KLF15: variants seen among roughly 807,000 people sequenced by gnomAD.
KLF15 encodes Krueppel-like factor 15.
A neutral mutation model predicts 24.6 loss-of-function variants in KLF15; 4 were observed. The ratio of observed to expected loss-of-function variants is 0.16; its 90% CI spans 0.08 to 0.37. KLF15 has a LOEUF of 0.37. Ranked by LOEUF, KLF15 falls within the 10% of genes least tolerant of loss-of-function variation. The pLI is 1.00. For synonymous variants in KLF15, 246 were observed against 236.3 expected (o/e 1.04, Z -0.37); for missense variants, 496 against 560.6 (o/e 0.88, Z 1.16).
the KLF15 span, among the ~76,000 whole-genome samples, chr3:126,312,409 A>C: frequency 1.3e-5 from 2 of 152,126 alleles, no homozygotes; most frequent in Admixed American, 1.3e-4. Context: ...TCCTGGACTC[A>C]AGTGATCCTC....
At position 126,356,798 on chromosome 3, in the gene KLF15, C is replaced by T. The variant is rs546489542; in HGVS notation, c.-26+439G>A. Reference sequence around the variant, plus strand: ...CTGGGCACCATGCCCTCGTCCCACGCCCCCCCCTTGCCCCCGACACTGCTG... The same window carrying T: ...CTGGGCACCATGCCCTCGTCCCACGTCCCCCCCTTGCCCCCGACACTGCTG... On this transcript the variant is annotated intron_variant, in intron 1 of 2. Coordinates refer to ENST00000296233, the MANE Select transcript of KLF15 (RefSeq NM_014079.4). This position sits in a 1 kb window ranked among gnomAD's most constrained non-coding sequence, Gnocchi z 4.4. Among the ~76,000 whole-genome samples the T allele has an allele frequency of 3.6e-3, 543 of 150,634 alleles. 2 individuals carry two copies. The highest frequency in any genetic ancestry group is 0.018 in the Middle Eastern group (5 of 284).
the KLF15 span, among the ~76,000 whole-genome samples, chr3:126,321,876 G>A: frequency 6.6e-6 from 1 of 152,206 alleles, no homozygotes; most frequent in Admixed American, 6.5e-5. Flanking sequence ...CACCCAGGCA[G>A]GTTTTAACAT....
downstream of KLF15, among the ~76,000 whole-genome samples, chr3:126,342,379 A>C (rs765683180): frequency 6.6e-5 from 10 of 152,304 alleles, no homozygotes; most frequent in African/African-American, 9.6e-5. Flanking sequence ...GTGCTGTCGG[A>C]ATGTGGGCTG....
the KLF15 span, among the ~76,000 whole-genome samples, chr3:126,304,227 C>T: frequency 3.9e-5 from 6 of 152,246 alleles, 1 homozygote; most frequent in Middle Eastern, 6.8e-3. Context: ...TATTGGGAAG[C>T]AGTTTGATCA....
chr3:126,323,435 A>ATGTT, the KLF15 span, among the ~76,000 whole-genome samples: 8 of 54,846 alleles, frequency 1.5e-4, no homozygotes, highest in African/African-American at 5.7e-4. Flanking sequence ...ATATATATAT[A>ATGTT]ACATATATAT....
At chr3:126,340,523 A>C (rs1053133232), downstream of KLF15, among the ~76,000 whole-genome samples, 19 of 152,238 alleles carry the variant, frequency 1.2e-4, no homozygotes, top group Non-Finnish European at 5.9e-5. Context: ...TATGTTGTTT[A>C]AGCCACAAAG....
chr3:126,317,180 C>T, the KLF15 span, among the ~76,000 whole-genome samples: 1 of 152,188 alleles, frequency 6.6e-6, no homozygotes, highest in Non-Finnish European at 1.5e-5. Context: ...CGCATTGCTT[C>T]TACATCCCTA....
the KLF15 span, among the ~76,000 whole-genome samples, chr3:126,313,663 T>G: frequency 6.6e-6 from 1 of 152,178 alleles, no homozygotes; most frequent in Non-Finnish European, 1.5e-5. Context: ...CTGGCATGGC[T>G]CAACCCCACC....
the KLF15 span, among the ~76,000 whole-genome samples, chr3:126,307,267 T>C: frequency 6.6e-6 from 1 of 152,016 alleles, no homozygotes; most frequent in East Asian, 1.9e-4. Context: ...GTCACCGGGC[T>C]CCTCCATGTC....
At chr3:126,291,660 T>C in the KLF15 span, among the ~76,000 whole-genome samples, 1 of 152,266 alleles carries the variant, frequency 6.6e-6, no homozygotes, top group Admixed American at 6.5e-5. Flanking sequence ...CATTGATGTG[T>C]GCTTTCTCCA....
chr3:126,304,585 C>T, the KLF15 span, among the ~76,000 whole-genome samples: 6,758 of 152,276 alleles, frequency 0.044, 491 homozygotes, highest in African/African-American at 0.15. Context: ...CCAGCACCTC[C>T]ACCTGGAAAT....
At chr3:126,288,617 C>T in the KLF15 span, among the ~76,000 whole-genome samples, 3 of 152,346 alleles carry the variant, frequency 2.0e-5, no homozygotes, top group South Asian at 2.1e-4. Flanking sequence ...TGCAGCTTGT[C>T]CCTTAGTCCT....
chr3:126,322,814 G>T, the KLF15 span, among the ~76,000 whole-genome samples: 27 of 152,256 alleles, frequency 1.8e-4, no homozygotes, highest in Non-Finnish European at 4.4e-5. Context: ...ATCAAGCCAG[G>T]CAAAGCCTTA....
chr3:126,298,211 C>A, the KLF15 span, among the ~76,000 whole-genome samples: 2 of 151,400 alleles, frequency 1.3e-5, no homozygotes, highest in African/African-American at 4.8e-5. Context: ...TGTTGTTCAG[C>A]ATTTTTTCAT....
In KLF15 at chr3:126,351,943, C is replaced by G; in HGVS notation, c.980G>C (p.Gly327Ala). 6.2e-7 allele frequency: 1 copy of G among 1,613,066 alleles called. No individual in the cohort carries two copies. The highest frequency in any genetic ancestry group is 8.5e-7 in the Non-Finnish European group (1 of 1,179,548). Residue 327 changes from glycine to alanine, a missense_variant, in exon 2 of 3, where the codon GGC (glycine) becomes GCC (alanine). This residue lies in a region of KLF15 where 59 missense variants were observed against 106.1 expected (regional missense o/e 0.56). Coordinates refer to ENST00000296233, the MANE Select transcript of KLF15 (RefSeq NM_014079.4). ...GCTTTTGGTGTACATCTTGCTGCAG[C>G]CAGGGAAAGTACATTTGTGCATTTT... ...LIKMHKCTFPGCSKMYTKSSH... is the reference protein window; with the variant it reads ...LIKMHKCTFPACSKMYTKSSH...
At chr3:126,343,992 C>T in intron 2 of KLF15, 97 bp from the exon 3 acceptor site, 1 of 1,317,468 alleles carries the variant, frequency 7.6e-7, no homozygotes, top group South Asian at 1.6e-5. Flanking sequence ...GCACCTGGCA[C>T]TCACCCAAAG....
chr3:126,293,581 C>T, the KLF15 span, among the ~76,000 whole-genome samples: 4 of 152,280 alleles, frequency 2.6e-5, no homozygotes, highest in Non-Finnish European at 4.4e-5. Context: ...GTGTCAACGT[C>T]GGACTCTAAA....
rs2082628448 is a variant in KLF15, at chr3:126,356,030, C to T, written c.-26+1207G>A. Among the ~76,000 whole-genome samples the T allele has an allele frequency of 6.6e-6, 1 of 152,202 alleles. No homozygotes were observed. Among genetic ancestry groups the T allele is most frequent in the African/African-American group, 2.4e-5 (1 of 41,464 alleles). On this transcript the variant is annotated intron_variant, in intron 1 of 2. Coordinates refer to ENST00000296233, the MANE Select transcript of KLF15 (RefSeq NM_014079.4). The surrounding 1 kb of genome is among the most constrained non-coding windows in gnomAD (Gnocchi z 4.4). Reference sequence around the variant, plus strand: ...CCCGGCTGGCCGCCGGACTCCGCCCCCTCCCCTGGCCCGGCCAGGCCTGCT... The same window carrying T: ...CCCGGCTGGCCGCCGGACTCCGCCCTCTCCCCTGGCCCGGCCAGGCCTGCT...
chr3:126,315,731 C>G, the KLF15 span, among the ~76,000 whole-genome samples: 2 of 152,206 alleles, frequency 1.3e-5, no homozygotes, highest in African/African-American at 4.8e-5. Flanking sequence ...GAACTCAGGC[C>G]TGCATGACTC....
Sources: gnomAD v4.1 joint callset for allele counts (sites outside exome capture counted in the v4.1 genomes callset) on GRCh38, gnomAD v4.1.1 for gene constraint, gnomAD v4.1.1 regional missense constraint, Gnocchi (gnomAD v3.1) non-coding constraint, MANE v1.5 for transcripts, NCBI Gene and HGNC (gene_info 2026-07-23, HGNC 2026-07-21) for gene names.